The following PDE6B variants were observed in gnomAD, a reference collection of about 807,000 sequenced individuals.
The protein encoded by PDE6B is phosphodiesterase 6B.
Under a neutral mutation model 109.0 loss-of-function variants are expected in PDE6B, and 106 were observed. That is an observed-to-expected ratio of 0.97 (90% CI 0.83 to 1.14). The LOEUF is 1.14. Among genes scored for constraint, PDE6B ranks in the 50% most tolerant of loss-of-function variants. The pLI, the probability that PDE6B is intolerant of heterozygous loss-of-function variation, is 0.00. For synonymous variants in PDE6B, 490 were observed against 471.3 expected, an observed-to-expected ratio of 1.04 and a Z score of -0.51; for missense variants, 1,193 against 1,155.6, an observed-to-expected ratio of 1.03 and a Z score of -0.47.
Position 657,335 on chromosome 4 carries a change from C to G in PDE6B, c.1258-16C>G. 1.2e-6 allele frequency: 2 copies of G among 1,612,668 alleles called. No homozygotes were observed. The highest frequency in any genetic ancestry group is 1.3e-5 in the African/African-American group (1 of 75,064). ...CCGGGAGCGCTGAGCGCCAGTGACACTGCCATCCCCTCCAGTCCCTGACAC... is the reference window on the plus strand; with the variant it reads ...CCGGGAGCGCTGAGCGCCAGTGACAGTGCCATCCCCTCCAGTCCCTGACAC... On this transcript the variant is annotated splice_polypyrimidine_tract_variant and intron_variant, in intron 9 of 21. Transcript: ENST00000496514.
intron 8 of PDE6B, 114 bp from the exon 9 acceptor site, chr4:656,760 G>T: frequency 1.1e-6 from 1 of 914,606 alleles, no homozygotes. Flanking sequence ...ACAGGAACAC[G>T]AGCCCAGCCG....
At position 659,117 on chromosome 4, in the gene PDE6B, A is replaced by G. The variant is rs1411071516; in HGVS notation, c.1467+100A>G. The G allele has an allele frequency of 1.2e-5, 10 of 861,468 alleles. No individual in the cohort carries two copies. The East Asian group carries it at 2.3e-4, about 19-fold the overall frequency. The allele number at this position is 861,468 out of a possible 1,614,324, so 53.4% of individuals were successfully genotyped here. A position where few individuals can be genotyped will look rare whatever the true frequency, so the allele number is the denominator to read the frequency against. Reference sequence around the variant, plus strand: ...CGGGACCCGACGGTGCTTTGCACACACGGTCATCAGGGATGTTGGTGCTGT... The same window carrying G: ...CGGGACCCGACGGTGCTTTGCACACGCGGTCATCAGGGATGTTGGTGCTGT... On this transcript the variant is annotated intron_variant, in intron 11 of 21. Transcript: ENST00000496514.
Position 666,665 on chromosome 4 carries a change from C to T in PDE6B, c.2352+51C>T. 7.8e-7 allele frequency: 1 copy of T among 1,283,154 alleles called. No individual in the cohort carries two copies. The highest frequency in any genetic ancestry group is 1.1e-6 in the Non-Finnish European group (1 of 878,938). The allele number at this position is 1,283,154 out of a possible 1,614,324, so 79.5% of individuals were successfully genotyped here. ...CTGACTGGGGCAGGGTGGCTGGGAG[C>T]AGGCAAGGGGGCGCGGGCTGGAGTC... On this transcript the variant is annotated intron_variant, in intron 20 of 21. Transcript: ENST00000496514. The surrounding 1 kb of genome is among the most constrained non-coding windows in gnomAD (Gnocchi z 5.6).
At chr4:637,631 A>G (rs1734753809) in intron 3 of PDE6B, among the ~76,000 whole-genome samples, 1 of 152,200 alleles carries the variant, frequency 6.6e-6, no homozygotes, top group Non-Finnish European at 1.5e-5. Context: ...AAGCAGTAAC[A>G]GGAGCCGCGG....
At chr4:658,278 G>T (rs555521126) in intron 10 of PDE6B, among the ~76,000 whole-genome samples, 1 of 143,878 alleles carries the variant, frequency 7.0e-6, no homozygotes, top group African/African-American at 2.6e-5. Flanking sequence ...ACGGCTGTGC[G>T]GCGGGGGCAG....
At chr4:647,453 G>A (rs768568112) in intron 3 of PDE6B, among the ~76,000 whole-genome samples, 2 of 152,006 alleles carry the variant, frequency 1.3e-5, no homozygotes, top group African/African-American at 4.8e-5. Flanking sequence ...AGCTTGAGCT[G>A]CCATAACAAA....
chr4:656,224 GT>G lies in PDE6B; in HGVS notation c.1060-16del. 6.4e-7 allele frequency: 1 copy of G among 1,570,072 alleles called. No homozygotes were observed. Among genetic ancestry groups the G allele is most frequent in the Non-Finnish European group, 8.8e-7 (1 of 1,139,974 alleles). On this transcript the variant is annotated intron_variant, in intron 7 of 21. Transcript: ENST00000496514. Reference sequence around the variant, plus strand: ...ACCTTCCGCTGTTTTGGATGAAATCGTTTTTCTGATGCTTTTTCAGATTTGT... The same window carrying G: ...ACCTTCCGCTGTTTTGGATGAAATCGTTTTCTGATGCTTTTTCAGATTTGT...
In PDE6B at chr4:638,766, G is replaced by A. The variant is rs140454485; in HGVS notation, c.711+2797G>A. ...CTCGTTACCCTAGCAGGTAATGAGG[G>A]GGGCTGGGCCTGGTGTTTATCCTGC... On this transcript the variant is annotated intron_variant, in intron 3 of 21. Coordinates refer to ENST00000496514, the MANE Select transcript of PDE6B (RefSeq NM_000283.4). Among the ~76,000 whole-genome samples the A allele has an allele frequency of 4.0e-3, 609 of 152,346 alleles. 3 individuals carry two copies. The highest frequency in any genetic ancestry group is 0.014 in the African/African-American group (591 of 41,576).
intron 3 of PDE6B, among the ~76,000 whole-genome samples, chr4:643,865 C>T (rs1183813940): frequency 1.3e-5 from 2 of 150,710 alleles, no homozygotes; most frequent in African/African-American, 2.5e-5. Context: ...GCTTTCCCTG[C>T]ACCTGACAAA....
At position 633,179 on chromosome 4, in the gene PDE6B, A is replaced by G. The variant is rs943517466; in HGVS notation, c.469-1498A>G. 2.0e-4 allele frequency among the ~76,000 whole-genome samples: 31 copies of G among 151,994 alleles called. No homozygotes were observed. Among genetic ancestry groups the G allele is most frequent in the Admixed American group, 2.0e-3 (30 of 15,266 alleles). The stretch of plus-strand genomic sequence containing the variant: ...ATGAGCCCTCGGGGGACGCAGGTGC[A>G]GAGATGAGCCCTCAGGGGTTGCAGG... On this transcript the variant is annotated intron_variant, in intron 1 of 21. Coordinates refer to ENST00000496514, the MANE Select transcript of PDE6B (RefSeq NM_000283.4). This position sits in a 1 kb window ranked among gnomAD's most constrained non-coding sequence, Gnocchi z 4.5.
At position 626,082 on chromosome 4, in the gene PDE6B, G is replaced by A. The variant is rs1734087900; in HGVS notation, c.456G>A (p.Glu152=). 1.9e-6 allele frequency: 3 copies of A among 1,580,450 alleles called. No individual in the cohort carries two copies. Among genetic ancestry groups the A allele is most frequent in the South Asian group, 1.1e-5 (1 of 87,068 alleles). ...VAQTKKMVNV[E]DVAECPHFSS... ...AGACCAAAAAGATGGTGAACGTCGAGGACGTGGCCGAGGTGGGTCTGTGCG... is the reference window on the plus strand; with the variant it reads ...AGACCAAAAAGATGGTGAACGTCGAAGACGTGGCCGAGGTGGGTCTGTGCG... Residue 152 remains glutamate (E), a synonymous_variant, in exon 1 of 22, where the codon GAG becomes GAA. Coordinates refer to ENST00000496514, the MANE Select transcript of PDE6B (RefSeq NM_000283.4). This position sits in a 1 kb window ranked among gnomAD's most constrained non-coding sequence, Gnocchi z 4.6.
At chr4:634,875 C>T (rs765900663) in intron 2 of PDE6B, 46 bp downstream of exon 2, 16 of 1,562,414 alleles carry the variant, frequency 1.0e-5, no homozygotes, top group Middle Eastern at 1.8e-4. Flanking sequence ...GCCTCCCTGC[C>T]TGCCTGCCCG....
At chr4:643,866 A>T (rs1735063247) in intron 3 of PDE6B, among the ~76,000 whole-genome samples, 1 of 148,964 alleles carries the variant, frequency 6.7e-6, no homozygotes, top group African/African-American at 2.5e-5. Context: ...CTTTCCCTGC[A>T]CCTGACAAAT....
intron 5 of PDE6B, 39 bp downstream of exon 5, chr4:654,193 C>G (rs1560118776): frequency 6.5e-7 from 1 of 1,545,872 alleles, no homozygotes; most frequent in Non-Finnish European, 8.9e-7. Context: ...TGTCCACACG[C>G]CTCTGTTTCC....
chr4:670,402 A>G lies in PDE6B; in HGVS notation c.*295A>G, dbSNP rs537809822. 3.4e-4 allele frequency: 122 copies of G among 361,334 alleles called. 1 individual carries two copies. The highest frequency in any genetic ancestry group is 2.5e-3 in the South Asian group (103 of 42,026). The allele number at this position is 361,334 out of a possible 1,614,324, so 22.4% of individuals were successfully genotyped here. A position where few individuals can be genotyped will look rare whatever the true frequency, so the allele number is the denominator to read the frequency against. On this transcript the variant is annotated 3_prime_UTR_variant, in exon 22 of 22. Transcript: ENST00000496514. ...GGACTACAGGCGCCCACCACCACAC[A>G]TGGCTAATTTTTGTATTTTCAGTAC...
intron 20 of PDE6B, among the ~76,000 whole-genome samples, chr4:667,632 C>T (rs1737946256): frequency 4.6e-5 from 7 of 152,172 alleles, no homozygotes; most frequent in Admixed American, 4.6e-4. Context: ...CAACACTGCA[C>T]CCTAAGCATG....
intron 12 of PDE6B, chr4:661,060 T>TGG: frequency 2.9e-5 from 6 of 208,714 alleles, no homozygotes; most frequent in East Asian, 1.2e-4. Flanking sequence ...CAATGGTAGT[T>TGG]AGATGGTTGG....
intron 21 of PDE6B, among the ~76,000 whole-genome samples, chr4:669,229 C>CG (rs141653585): frequency 2.4e-5 from 1 of 41,694 alleles, no homozygotes. Flanking sequence ...ATGCTATTCC[C>CG]CTACCCTATG....
Position 651,958 on chromosome 4 carries a change from G to A in PDE6B, c.712-1894G>A, listed in dbSNP as rs116408095. The A allele has an allele frequency of 7.9e-3, 1,334 of 169,626 alleles. 9 individuals carry two copies. The highest frequency in any genetic ancestry group is 0.013 in the Non-Finnish European group (996 of 78,216). The allele number at this position is 169,626 out of a possible 1,614,324, so 10.5% of individuals were successfully genotyped here. ...GGGAAGGCTGGGAGCTTCTGCTGAGGGTGGCACCAGCAGCAGCTCCATGAC... is the reference window on the plus strand; with the variant it reads ...GGGAAGGCTGGGAGCTTCTGCTGAGAGTGGCACCAGCAGCAGCTCCATGAC... On this transcript the variant is annotated intron_variant, in intron 3 of 21. Coordinates refer to ENST00000496514, the MANE Select transcript of PDE6B (RefSeq NM_000283.4).
Sources: gnomAD v4.1 joint callset for allele counts (sites outside exome capture counted in the v4.1 genomes callset) on GRCh38, gnomAD v4.1.1 for gene constraint, Gnocchi (gnomAD v3.1) non-coding constraint, MANE v1.5 for transcripts, NCBI Gene and HGNC (gene_info 2026-07-23, HGNC 2026-07-21) for gene names.